Variants in PANK3 observed in about 807,000 individuals in gnomAD.
PANK3 encodes the protein hPanK3.
Under a neutral mutation model 39.4 loss-of-function variants are expected in PANK3, and 20 were observed. The ratio of observed to expected loss-of-function variants is 0.51; its 90% confidence interval spans 0.36 to 0.74. PANK3 has a LOEUF of 0.74. Ranked by LOEUF, PANK3 falls within the 30% of genes least tolerant of loss-of-function variation. The probability of loss-of-function intolerance (pLI) is 0.00; values close to 1 mark genes in which losing one functional copy is unlikely to be tolerated. For synonymous variants in PANK3, 140 were observed against 157.3 expected (o/e 0.89, Z 0.82); for missense variants, 265 against 437.0 (o/e 0.61, Z 3.51).
intron 1 of PANK3, among the ~76,000 whole-genome samples, chr5:168,576,583 T>C (rs1351671306): frequency 3.3e-5 from 5 of 152,228 alleles, no homozygotes; most frequent in Non-Finnish European, 7.3e-5. Flanking sequence ...CTGGTTAATA[T>C]ATGCATTCGG....
intron 3 of PANK3, 32 bp from the exon 4 acceptor site, chr5:168,564,097 A>C: frequency 6.5e-7 from 1 of 1,537,242 alleles, no homozygotes; most frequent in African/African-American, 1.4e-5. Flanking sequence ...GCTAAGTTGC[A>C]TTTATACATT....
chr5:168,558,309 C>T (rs1247281761), intron 6 of PANK3, among the ~76,000 whole-genome samples: 5 of 151,946 alleles, frequency 3.3e-5, no homozygotes, highest in South Asian at 2.1e-4. Flanking sequence ...TACAGGCGCC[C>T]GCCACCTCGC....
chr5:168,577,215 T>C (rs1366042921), intron 1 of PANK3, among the ~76,000 whole-genome samples: 4 of 152,060 alleles, frequency 2.6e-5, no homozygotes, highest in Non-Finnish European at 5.9e-5. Flanking sequence ...ATGGTTGAAA[T>C]ACCTTCTTTC....
At chr5:168,560,090 A>G (rs548513873) in intron 5 of PANK3, among the ~76,000 whole-genome samples, 1 of 152,302 alleles carries the variant, frequency 6.6e-6, no homozygotes, top group South Asian at 2.1e-4. Flanking sequence ...CATGGCCTAA[A>G]TTATTGTTAA....
Position 168,559,028 on chromosome 5 carries a change from A to G in PANK3, c.1062+4T>C, listed in dbSNP as rs1227285795. 4.4e-6 allele frequency: 7 copies of G among 1,600,158 alleles called. No individual in the cohort carries two copies. The highest frequency in any genetic ancestry group is 2.7e-5 in the African/African-American group (2 of 74,100). On this transcript the variant is annotated splice_donor_region_variant and intron_variant, in intron 6 of 6. Coordinates refer to ENST00000239231, the MANE Select transcript of PANK3 (RefSeq NM_024594.4). ...AATTCACAAAAAACATTTTCCTACCATACCTCATGTTCTAGAAACAATGCT... is the reference window on the plus strand; with the variant it reads ...AATTCACAAAAAACATTTTCCTACCGTACCTCATGTTCTAGAAACAATGCT...
intron 5 of PANK3, chr5:168,561,117 T>C (rs1230091707): frequency 3.3e-6 from 1 of 303,428 alleles, no homozygotes; most frequent in African/African-American, 2.2e-5. Context: ...TGCTTAGAAC[T>C]TTCTTTTACA....
At chr5:168,560,682 C>T (rs528430202) in intron 5 of PANK3, among the ~76,000 whole-genome samples, 5 of 152,210 alleles carry the variant, frequency 3.3e-5, no homozygotes, top group South Asian at 4.1e-4. Flanking sequence ...AGGGTTCCTT[C>T]GAAAAGCGTA....
intron 1 of PANK3, among the ~76,000 whole-genome samples, chr5:168,574,891 A>G (rs1403513904): frequency 1.3e-5 from 2 of 152,172 alleles, no homozygotes; most frequent in Non-Finnish European, 2.9e-5. Context: ...CCAGTTTCCT[A>G]GGAAATCAAG....
intron 1 of PANK3, among the ~76,000 whole-genome samples, chr5:168,576,724 T>C (rs1257520942): frequency 6.6e-6 from 1 of 152,078 alleles, no homozygotes; most frequent in African/African-American, 2.4e-5. Context: ...TGCAGTTAAA[T>C]GATGCAATGC....
rs1321784866 is a variant in PANK3, at chr5:168,559,056, T to C, written c.1038A>G (p.Leu346=). 6.2e-7 allele frequency: 1 copy of C among 1,609,522 alleles called. No homozygotes were observed. Among genetic ancestry groups the C allele is most frequent in the East Asian group, 2.2e-5 (1 of 44,702 alleles). Residue 346 remains leucine, a synonymous_variant, in exon 6 of 7, where the codon CTA becomes CTG. Transcript: ENST00000239231. ...YALDYWSKGQ[L]KALFLEHEGY... is the part of the protein sequence containing the mutation. ...CCTCATGTTCTAGAAACAATGCTTT[T>C]AGTTGACCTTTTGACCAGTAATCCA...
In PANK3 at chr5:168,550,316, A is replaced by G. The variant is rs1352103356; in HGVS notation, c.*7255T>C. On this transcript the variant is annotated 3_prime_UTR_variant, in exon 7 of 7. Coordinates refer to ENST00000239231, the MANE Select transcript of PANK3 (RefSeq NM_024594.4). ...CTGGGATGTTCAGTAGGTTAGGCGT[A>G]TTAAATGTATTTTCAACTTACGGTA... 1 of 152,232 alleles carries G rather than the reference A, an allele frequency of 6.6e-6. No individual in the cohort carries two copies. The highest frequency in any genetic ancestry group is 1.5e-5 in the Non-Finnish European group (1 of 68,032). The allele number at this position is 152,232 out of a possible 1,614,324, so 9.4% of individuals were successfully genotyped here. A position where few individuals can be genotyped will look rare whatever the true frequency, so the allele number is the denominator to read the frequency against.
At chr5:168,565,246 A>C (rs1759505530) in intron 3 of PANK3, among the ~76,000 whole-genome samples, 1 of 152,188 alleles carries the variant, frequency 6.6e-6, no homozygotes, top group African/African-American at 2.4e-5. Flanking sequence ...TTTCTTCCTT[A>C]AACTGGAATC....
chr5:168,557,751 G>C, intron 6 of PANK3, 130 bp from the exon 7 acceptor site: 1 of 676,122 alleles, frequency 1.5e-6, no homozygotes, highest in Non-Finnish European at 2.3e-6. Flanking sequence ...CAATTTCTGC[G>C]TTGTTAGCTA....
chr5:168,560,927 T>A (rs1414823069), intron 5 of PANK3: 1 of 520,006 alleles, frequency 1.9e-6, no homozygotes, highest in Non-Finnish European at 4.0e-6. Context: ...CAATGCTGCT[T>A]GATCCATATG....
intron 1 of PANK3, among the ~76,000 whole-genome samples, 175 bp downstream of exon 1, chr5:168,579,081 G>A (rs529417874): frequency 3.3e-5 from 5 of 152,318 alleles, no homozygotes; most frequent in African/African-American, 7.2e-5. Flanking sequence ...CATGAATAGG[G>A]GGATGGGGAG....
At chr5:168,572,572 T>C (rs1759658743) in intron 1 of PANK3, among the ~76,000 whole-genome samples, 1 of 146,238 alleles carries the variant, frequency 6.8e-6, no homozygotes, top group Non-Finnish European at 1.5e-5. Flanking sequence ...GTGGGGGAGA[T>C]TACAAAGTAC....
Position 168,553,131 on chromosome 5 carries a change from T to C in PANK3, c.*4440A>G, listed in dbSNP as rs909458846. 1.6e-5 allele frequency: 7 copies of C among 448,728 alleles called. No individual in the cohort carries two copies. The highest frequency in any genetic ancestry group is 1.3e-5 in the Non-Finnish European group (3 of 230,686). The allele number at this position is 448,728 out of a possible 1,614,324, so 27.8% of individuals were successfully genotyped here. The stretch of plus-strand genomic sequence containing the variant: ...GGCAAAATGGAAGGGCTACACTTTA[T>C]AGGACAGCTGGAAGGATGGTAAAGC... On this transcript the variant is annotated 3_prime_UTR_variant, in exon 7 of 7. Coordinates refer to ENST00000239231, the MANE Select transcript of PANK3 (RefSeq NM_024594.4).
intron 1 of PANK3, among the ~76,000 whole-genome samples, chr5:168,570,533 G>C (rs1387666659): frequency 1.3e-5 from 2 of 151,996 alleles, no homozygotes; most frequent in Admixed American, 6.6e-5. Context: ...TTAAGAACGA[G>C]ATACACAAAA....
chr5:168,565,938 CATT>C, intron 3 of PANK3, 72 bp downstream of exon 3: 6 of 1,286,634 alleles, frequency 4.7e-6, no homozygotes, highest in Admixed American at 2.5e-5. Flanking sequence ...GTGAAAATGA[CATT>C]ATTATACTGA....
Sources: gnomAD v4.1 joint callset for allele counts (sites outside exome capture counted in the v4.1 genomes callset) on GRCh38, gnomAD v4.1.1 for gene constraint, MANE v1.5 for transcripts, NCBI Gene and HGNC (gene_info 2026-07-23, HGNC 2026-07-21) for gene names.